Variants in SCHIP1 observed in about 807,000 individuals in gnomAD.
SCHIP1 encodes schwannomin interacting protein 1.
SCHIP1 carries 8 observed loss-of-function variants against 29.7 expected under a neutral mutation model. That is an observed-to-expected ratio of 0.27 (90% CI 0.16 to 0.49). The LOEUF (loss-of-function observed/expected upper bound fraction) is 0.49, where lower values mean the gene tolerates loss of function less well. SCHIP1 is among the 20% of genes least tolerant of loss of function. SCHIP1 has a pLI of 0.99. For synonymous variants in SCHIP1, 76 were observed against 94.9 expected, an observed-to-expected ratio of 0.80 and a Z score of 1.16; for missense variants, 193 against 294.6, an observed-to-expected ratio of 0.66 and a Z score of 2.52.
At chr3:159,730,315 T>C in the SCHIP1 span, among the ~76,000 whole-genome samples, 1 of 152,290 alleles carries the variant, frequency 6.6e-6, no homozygotes, top group South Asian at 2.1e-4. Flanking sequence ...GCCTATAAAA[T>C]GGGGATGATG....
the SCHIP1 span, among the ~76,000 whole-genome samples, chr3:159,479,259 C>A: frequency 6.6e-6 from 1 of 151,974 alleles, no homozygotes; most frequent in Non-Finnish European, 1.5e-5. Flanking sequence ...TTATATGTTT[C>A]TGAATTTTCT....
chr3:159,367,472 C>A, the SCHIP1 span, among the ~76,000 whole-genome samples: 1 of 151,528 alleles, frequency 6.6e-6, no homozygotes, highest in South Asian at 2.1e-4. Context: ...GTCAATCCTA[C>A]TCTCTGTCAG....
At chr3:159,817,377 A>G in the SCHIP1 span, among the ~76,000 whole-genome samples, 1 of 152,102 alleles carries the variant, frequency 6.6e-6, no homozygotes, top group African/African-American at 2.4e-5. Context: ...AGCAGATTCT[A>G]ATGACTTCAC....
At chr3:159,313,113 T>G in the SCHIP1 span, among the ~76,000 whole-genome samples, 4 of 152,342 alleles carry the variant, frequency 2.6e-5, no homozygotes, top group South Asian at 8.3e-4. Flanking sequence ...TAAAATACTC[T>G]ATAGTCCTTA....
At chr3:159,294,810 G>A in the SCHIP1 span, among the ~76,000 whole-genome samples, 41 of 152,208 alleles carry the variant, frequency 2.7e-4, no homozygotes, top group African/African-American at 9.4e-4. Flanking sequence ...TGAAGGGCTG[G>A]GTTGGCAATA....
the SCHIP1 span, among the ~76,000 whole-genome samples, chr3:159,544,113 C>T: frequency 2.0e-5 from 3 of 151,940 alleles, no homozygotes; most frequent in Non-Finnish European, 4.4e-5. Flanking sequence ...ACTTCTATCA[C>T]AATAGATTAG....
chr3:159,508,760 C>A, the SCHIP1 span, among the ~76,000 whole-genome samples: 1 of 152,308 alleles, frequency 6.6e-6, no homozygotes, highest in South Asian at 2.1e-4. Flanking sequence ...TGTTCAGTTT[C>A]CATGTAGTTG....
chr3:159,863,816 A>G (rs1251926252), intron 1 of SCHIP1, among the ~76,000 whole-genome samples: 3 of 152,180 alleles, frequency 2.0e-5, no homozygotes, highest in Non-Finnish European at 4.4e-5. Context: ...AAAGAACTGC[A>G]ATTAATGTAA....
At chr3:159,748,454 CA>C in the SCHIP1 span, among the ~76,000 whole-genome samples, 1 of 152,178 alleles carries the variant, frequency 6.6e-6, no homozygotes, top group East Asian at 1.9e-4. Context: ...TATAATATGG[CA>C]AAATTATGGA....
chr3:159,788,158 T>G, the SCHIP1 span, among the ~76,000 whole-genome samples: 1 of 151,918 alleles, frequency 6.6e-6, no homozygotes, highest in Non-Finnish European at 1.5e-5. Context: ...GACGTGGGAG[T>G]AGAGATGAGT....
the SCHIP1 span, among the ~76,000 whole-genome samples, chr3:159,715,353 A>C: frequency 6.6e-6 from 1 of 152,256 alleles, no homozygotes; most frequent in South Asian, 2.1e-4. Flanking sequence ...CCTCCAAAGG[A>C]ATGCAGCTCC....
At chr3:159,630,112 A>G in the SCHIP1 span, among the ~76,000 whole-genome samples, 1 of 152,208 alleles carries the variant, frequency 6.6e-6, no homozygotes, top group Non-Finnish European at 1.5e-5. Flanking sequence ...ATGAAACTGT[A>G]AAGTTTCAAT....
the SCHIP1 span, among the ~76,000 whole-genome samples, chr3:159,617,366 G>A: frequency 6.6e-6 from 1 of 152,096 alleles, no homozygotes; most frequent in African/African-American, 2.4e-5. Context: ...CAACCAGAAG[G>A]AGCTTTTTCT....
At chr3:159,694,018 A>C in the SCHIP1 span, among the ~76,000 whole-genome samples, 1 of 152,112 alleles carries the variant, frequency 6.6e-6, no homozygotes, top group Non-Finnish European at 1.5e-5. Context: ...CATGGTGAGC[A>C]CCTGTAGGCG....
the SCHIP1 span, among the ~76,000 whole-genome samples, chr3:159,826,632 C>G: frequency 6.6e-6 from 1 of 152,120 alleles, no homozygotes; most frequent in Non-Finnish European, 1.5e-5. Context: ...ACCCTAAAGT[C>G]CCTTAGCATC....
At chr3:159,821,511 A>G in the SCHIP1 span, among the ~76,000 whole-genome samples, 1 of 152,234 alleles carries the variant, frequency 6.6e-6, no homozygotes, top group East Asian at 1.9e-4. Flanking sequence ...CGCAATTGCC[A>G]TCAACTGAAA....
chr3:159,804,934 G>A, the SCHIP1 span, among the ~76,000 whole-genome samples: 7 of 152,168 alleles, frequency 4.6e-5, no homozygotes, highest in Non-Finnish European at 7.3e-5. Flanking sequence ...ACTGTCTAGG[G>A]AGAGGGAGAA....
the SCHIP1 span, among the ~76,000 whole-genome samples, chr3:159,637,156 A>G: frequency 6.6e-6 from 1 of 152,174 alleles, no homozygotes; most frequent in Admixed American, 6.5e-5. Flanking sequence ...GATATTTTTC[A>G]TTGTTCTTTA....
chr3:159,666,580 T>C, the SCHIP1 span, among the ~76,000 whole-genome samples: 10 of 152,286 alleles, frequency 6.6e-5, no homozygotes, highest in East Asian at 5.8e-4. Flanking sequence ...GTGAAAAGGA[T>C]AAAGAAATTA....
Sources: allele counts gnomAD v4.1 joint callset (sites outside exome capture counted in the v4.1 genomes callset), GRCh38; gene constraint gnomAD v4.1.1; transcripts MANE v1.5; gene names NCBI Gene and HGNC (gene_info 2026-07-23, HGNC 2026-07-21).